USP42: variants seen among roughly 807,000 people sequenced by gnomAD.
USP42 encodes the protein ubiquitin specific peptidase 42, also known as ubiquitin carboxyl-terminal hydrolase 42.
In USP42, 23 loss-of-function variants were observed where a neutral mutation model predicts 113.0. That is an observed-to-expected ratio of 0.20 (90% CI 0.15 to 0.29). USP42 has a LOEUF of 0.29. USP42 is among the 10% of genes least tolerant of loss of function. USP42 has a pLI of 1.00. For missense variants in USP42, 2,174 were observed against 1,779.8 expected, an observed-to-expected ratio of 1.22 and a Z score of -3.99; for synonymous variants, 933 against 699.0, an observed-to-expected ratio of 1.33 and a Z score of -5.28.
the USP42 span, among the ~76,000 whole-genome samples, chr7:6,098,788 T>A: frequency 6.7e-6 from 1 of 150,116 alleles, no homozygotes; most frequent in African/African-American, 2.5e-5. Context: ...TCAAGTGGTC[T>A]GTCTGCCTCG....
chr7:6,116,838 G>A (rs1315774811), intron 3 of USP42: 7 of 532,810 alleles, frequency 1.3e-5, no homozygotes, highest in African/African-American at 1.9e-5. Context: ...TCACTTTTGC[G>A]CTTAATGAAA....
rs762902006 is a variant in USP42 at position 6,115,416 on chromosome 7, G to C, written c.335G>C (p.Gly112Ala). Residue 112 changes from glycine to alanine, a missense_variant, in exon 3 of 18, where the codon GGG becomes GCG. Coordinates refer to ENST00000306177, the MANE Select transcript of USP42 (RefSeq NM_032172.3). ...CAACAAACTCATAGAGTTGGAGCTG[G>C]GCTCCAGAATTTGGGCAATACCTGT... ...KWQQTHRVGA[G>A]LQNLGNTCFA... 1.2e-6 allele frequency: 2 copies of C among 1,614,046 alleles called. No homozygotes were observed. The highest frequency in any genetic ancestry group is 1.7e-6 in the Non-Finnish European group (2 of 1,179,894).
In USP42 at chr7:6,154,429, C is replaced by T. The variant is rs548071242; in HGVS notation, c.2875C>T (p.Arg959Cys). ...AGGCCACTACCGCAGCCGGAGAGAG[C>T]GCTCGTCCAGCGGGGAGCCCGCCAG... is the stretch of plus-strand genomic sequence containing the variant. ...DRGHYRSRRE[R>C]SSSGEPARES... The change falls in exon 15 of 18, where the codon CGC becomes TGC. Residue 959 changes from arginine (R) to cysteine (C), a missense_variant. Transcript: ENST00000306177. 6 of 1,573,298 alleles carry T rather than the reference C, an allele frequency of 3.8e-6. No individual in the cohort carries two copies. The highest frequency in any genetic ancestry group is 2.4e-5 in the East Asian group (1 of 42,288).
chr7:6,088,577 T>C, the USP42 span, among the ~76,000 whole-genome samples: 26 of 151,304 alleles, frequency 1.7e-4, no homozygotes, highest in African/African-American at 4.9e-4. Context: ...ATTACTCTTA[T>C]TGACAATCCT....
chr7:6,089,626 G>A, the USP42 span, among the ~76,000 whole-genome samples: 1 of 146,494 alleles, frequency 6.8e-6, no homozygotes, highest in Non-Finnish European at 1.5e-5. Flanking sequence ...TTCGCCTCCC[G>A]GGTTCAAACA....
At chr7:6,109,898 A>T (rs1001297046) in intron 1 of USP42, among the ~76,000 whole-genome samples, 21 of 148,792 alleles carry the variant, frequency 1.4e-4, no homozygotes, top group African/African-American at 5.0e-4. Flanking sequence ...ATGAGGTTTC[A>T]CTATGTTGGC....
chr7:6,100,079 CT>C (rs1790073922), upstream of USP42, among the ~76,000 whole-genome samples: 1 of 148,458 alleles, frequency 6.7e-6, no homozygotes, highest in Non-Finnish European at 1.5e-5. Flanking sequence ...TCTTGAACTC[CT>C]GGCCTCAAGC....
chr7:6,085,756 T>C, the USP42 span, among the ~76,000 whole-genome samples: 1 of 149,942 alleles, frequency 6.7e-6, no homozygotes, highest in East Asian at 2.0e-4. Flanking sequence ...CTGGCACTAC[T>C]GGCATGTGCC....
intron 4 of USP42, 71 bp downstream of exon 4, chr7:6,136,022 C>G: frequency 1.1e-5 from 6 of 541,116 alleles, no homozygotes; most frequent in South Asian, 2.6e-5. Context: ...TTTTTTTTTT[C>G]GAGACAGAGT....
intron 3 of USP42, among the ~76,000 whole-genome samples, chr7:6,128,485 T>G (rs1780663096): frequency 6.6e-6 from 1 of 152,120 alleles, no homozygotes; most frequent in Non-Finnish European, 1.5e-5. Flanking sequence ...TTTTTATCCT[T>G]TTACTTTCAG....
At chr7:6,087,649 ACT>A in the USP42 span, among the ~76,000 whole-genome samples, 1 of 150,490 alleles carries the variant, frequency 6.6e-6, no homozygotes, top group Admixed American at 6.6e-5. Context: ...CACTTCTTTA[ACT>A]CTCTTTCATT....
chr7:6,155,263 C>CA (rs1782379239), intron 15 of USP42, 68 bp downstream of exon 15: 10 of 1,451,122 alleles, frequency 6.9e-6, no homozygotes, highest in Non-Finnish European at 9.0e-6. Context: ...TGTCCCTTCT[C>CA]ACTCGACTCA....
At position 6,140,098 on chromosome 7, in the gene USP42, T is replaced by C. The variant is rs1583647891; in HGVS notation, c.657-30T>C. On this transcript the variant is annotated intron_variant, in intron 5 of 17. Transcript: ENST00000306177. ...GCATCTGGAGTTTTTGCAAAGCTCT[T>C]CTCTCATGTCACTGTTCAACGTTTT... 5.0e-6 allele frequency: 8 copies of C among 1,606,514 alleles called. No homozygotes were observed. The East Asian group carries it at 1.8e-4, about 36-fold the overall frequency.
At chr7:6,081,252 C>A in the USP42 span, 1 of 152,210 alleles carries the variant, frequency 6.6e-6, no homozygotes, top group African/African-American at 2.4e-5. Flanking sequence ...TCGGTGCTAG[C>A]GTTCAGCGGC....
intron 3 of USP42, among the ~76,000 whole-genome samples, chr7:6,125,746 C>G (rs1562819039): frequency 6.6e-6 from 1 of 150,718 alleles, no homozygotes; most frequent in Non-Finnish European, 1.5e-5. Context: ...TGGTATTTTT[C>G]CTTACTTTTG....
rs551988616 is a variant in USP42 at position 6,141,215 on chromosome 7, T to C, written c.795+231T>C. On this transcript the variant is annotated intron_variant, in intron 7 of 17. Transcript: ENST00000306177. ...CTTTTTCTTTTCTTTTTTTTTTTTT[T>C]TTTTTGAGATGGAATTGCACTCTGT... Among the ~76,000 whole-genome samples, 11 of 148,200 alleles carry C rather than the reference T, an allele frequency of 7.4e-5. No individual in the cohort carries two copies. In the South Asian group the frequency reaches 1.7e-3, roughly 23 times the overall value.
At chr7:6,100,178 TCTC>T (rs200231118), upstream of USP42, among the ~76,000 whole-genome samples, 696 of 149,690 alleles carry the variant, frequency 4.6e-3, 41 homozygotes, top group African/African-American at 0.017. Context: ...AATGACTACT[TCTC>T]CTATATCCTC....
chr7:6,083,049 C>T, the USP42 span, among the ~76,000 whole-genome samples: 1 of 148,432 alleles, frequency 6.7e-6, no homozygotes, highest in East Asian at 2.0e-4. Flanking sequence ...CTCAGCCTCC[C>T]GTGTAGATGG....
rs1583643361 is a variant in USP42 at position 6,138,268 on chromosome 7, A to G, written c.554-824A>G. Among the ~76,000 whole-genome samples the G allele has an allele frequency of 2.0e-5, 3 of 152,354 alleles. No individual in the cohort carries two copies. The Middle Eastern group carries it at 0.01, about 518-fold the overall frequency. On this transcript the variant is annotated intron_variant, in intron 4 of 17. Transcript: ENST00000306177. The stretch of plus-strand genomic sequence containing the variant: ...TTAATTTTTTATTGTAATTTAAAAA[A>G]TAATTTGGTCTTTTAGCTGTTTAAT...
Sources: gnomAD v4.1 joint callset for allele counts (sites outside exome capture counted in the v4.1 genomes callset) on GRCh38, gnomAD v4.1.1 for gene constraint, MANE v1.5 for transcripts, NCBI Gene and HGNC (gene_info 2026-07-23, HGNC 2026-07-21) for gene names.